The following CSMD1 variants were observed in gnomAD, a reference collection of about 807,000 sequenced individuals.
The protein encoded by CSMD1 is CUB and sushi domain-containing protein 1.
In CSMD1, 213 loss-of-function variants were observed where a neutral mutation model predicts 417.5. The ratio of observed to expected loss-of-function variants is 0.51; its 90% CI spans 0.46 to 0.57. The LOEUF (loss-of-function observed/expected upper bound fraction) is 0.57. CSMD1 is among the 20% of genes least tolerant of loss of function. The pLI, the probability that CSMD1 is intolerant of heterozygous loss-of-function variation, is 0.00. For synonymous variants in CSMD1, 2,862 were observed against 1,736.8 expected (o/e 1.65, Z -16.11); for missense variants, 6,923 against 4,529.7 (o/e 1.53, Z -15.17).
chr8:4,948,391 G>T (rs774501713), intron 1 of CSMD1, among the ~76,000 whole-genome samples: 1 of 151,734 alleles, frequency 6.6e-6, no homozygotes, highest in Middle Eastern at 3.3e-3. Context: ...TTCTGTACTA[G>T]TTACTTGCCA....
At chr8:4,423,297 C>G (rs1001705097) in intron 2 of CSMD1, among the ~76,000 whole-genome samples, 2 of 152,024 alleles carry the variant, frequency 1.3e-5, no homozygotes, top group Non-Finnish European at 2.9e-5. Context: ...GCATGATGAT[C>G]TTTATAGAAA....
intron 12 of CSMD1, among the ~76,000 whole-genome samples, chr8:3,445,514 C>T (rs112630817): frequency 0.019 from 2,943 of 152,204 alleles, 33 homozygotes; most frequent in Non-Finnish European, 0.027. Flanking sequence ...CTGCAATGTG[C>T]ACAACTCTTT....
At chr8:3,869,089 G>C (rs913193061) in intron 5 of CSMD1, among the ~76,000 whole-genome samples, 1 of 152,144 alleles carries the variant, frequency 6.6e-6, no homozygotes, top group East Asian at 1.9e-4. Context: ...TTAGGGACCT[G>C]GTGTCTAGTG....
At position 3,294,597 on chromosome 8, in the gene CSMD1, G is replaced by C. The variant is rs141324615; in HGVS notation, c.3951-10251C>G. 1.9e-3 allele frequency among the ~76,000 whole-genome samples: 295 copies of C among 152,274 alleles called. 5 individuals carry two copies. The East Asian group carries it at 0.046, about 24-fold the overall frequency. Reference sequence around the variant, plus strand: ...CTGTGCTAGCAATGAGTGAGGCTCCGTGGGGGTAGGACCCTCTGAGTCATG... The same window carrying C: ...CTGTGCTAGCAATGAGTGAGGCTCCCTGGGGGTAGGACCCTCTGAGTCATG... On this transcript the variant is annotated intron_variant, in intron 25 of 69. Coordinates refer to ENST00000635120, the MANE Select transcript of CSMD1 (RefSeq NM_033225.6).
intron 2 of CSMD1, among the ~76,000 whole-genome samples, chr8:4,529,205 A>T (rs73182922): frequency 1.8e-3 from 281 of 152,230 alleles, no homozygotes; most frequent in Non-Finnish European, 2.1e-3. Flanking sequence ...CAAAACTCTT[A>T]TCAGGACAAT....
intron 4 of CSMD1, among the ~76,000 whole-genome samples, chr8:4,013,817 T>C (rs568360162): frequency 4.6e-4 from 70 of 152,254 alleles, no homozygotes; most frequent in Non-Finnish European, 7.4e-4. Context: ...TCTGTTTAGG[T>C]GGTGTCTATG....
At chr8:3,049,210 C>G (rs1254764440) in intron 50 of CSMD1, among the ~76,000 whole-genome samples, 1 of 152,166 alleles carries the variant, frequency 6.6e-6, no homozygotes, top group African/African-American at 2.4e-5. Flanking sequence ...TTACCATTCA[C>G]TCTATCAATC....
At position 4,316,274 on chromosome 8, in the gene CSMD1, T is replaced by C. The variant is rs978653036; in HGVS notation, c.415+103679A>G. Among the ~76,000 whole-genome samples, 6 of 152,172 alleles carry C rather than the reference T, an allele frequency of 3.9e-5. 1 individual carries two copies. The highest frequency in any genetic ancestry group is 1.4e-4 in the African/African-American group (6 of 41,454). Reference sequence around the variant, plus strand: ...TTTTTCATCCTCGAATCTGAATTTGTTGTGATCTGTAAGATATCTCAAGGA... The same window carrying C: ...TTTTTCATCCTCGAATCTGAATTTGCTGTGATCTGTAAGATATCTCAAGGA... On this transcript the variant is annotated intron_variant, in intron 3 of 69. Coordinates refer to ENST00000635120, the MANE Select transcript of CSMD1 (RefSeq NM_033225.6).
intron 46 of CSMD1, among the ~76,000 whole-genome samples, chr8:3,105,808 T>G (rs963559603): frequency 6.6e-6 from 1 of 152,244 alleles, no homozygotes; most frequent in African/African-American, 2.4e-5. Context: ...ATAGCGTAGC[T>G]TAATAAATGG....
chr8:3,500,225 C>G (rs1015439303), intron 10 of CSMD1, among the ~76,000 whole-genome samples: 4 of 152,182 alleles, frequency 2.6e-5, no homozygotes, highest in African/African-American at 9.7e-5. Flanking sequence ...CTAGACACTG[C>G]ACTTGACATG....
chr8:3,165,448 T>C (rs1419556686), intron 37 of CSMD1, among the ~76,000 whole-genome samples: 1 of 152,060 alleles, frequency 6.6e-6, no homozygotes, highest in East Asian at 1.9e-4. Context: ...TTATTTATTT[T>C]TGAGACAGAG....
rs116402696 is a variant in CSMD1, at chr8:4,956,776, G to A, written c.85+37556C>T. 5.2e-3 allele frequency among the ~76,000 whole-genome samples: 787 copies of A among 152,158 alleles called. 7 individuals carry two copies. The highest frequency in any genetic ancestry group is 0.018 in the African/African-American group (756 of 41,500). On this transcript the variant is annotated intron_variant, in intron 1 of 69. Coordinates refer to ENST00000635120, the MANE Select transcript of CSMD1 (RefSeq NM_033225.6). ...CAGGGAATGGAGACTTCACAAACAG[G>A]ACAAGTTCACCTTCCACTTAGATTT...
chr8:4,611,922 G>C (rs140211699), intron 2 of CSMD1, among the ~76,000 whole-genome samples: 23 of 152,248 alleles, frequency 1.5e-4, no homozygotes, highest in Non-Finnish European at 2.4e-4. Context: ...CTACATTCCT[G>C]AATAGTTACT....
chr8:4,122,730 G>C (rs1311349659), intron 3 of CSMD1, among the ~76,000 whole-genome samples: 1 of 152,042 alleles, frequency 6.6e-6, no homozygotes, highest in African/African-American at 2.4e-5. Flanking sequence ...TTTCCTAGAA[G>C]TAACACTTTC....
chr8:3,593,013 G>A (rs1800926020), intron 8 of CSMD1, among the ~76,000 whole-genome samples: 1 of 152,224 alleles, frequency 6.6e-6, no homozygotes, highest in African/African-American at 2.4e-5. Context: ...CTCCTGGCCT[G>A]TGCTTGGATA....
At chr8:4,782,473 G>T (rs556902672) in intron 1 of CSMD1, among the ~76,000 whole-genome samples, 3 of 152,224 alleles carry the variant, frequency 2.0e-5, no homozygotes, top group South Asian at 4.1e-4. Context: ...TAGATTTAAA[G>T]AAATCTTATT....
intron 54 of CSMD1, among the ~76,000 whole-genome samples, chr8:2,993,421 C>T (rs1052109911): frequency 6.6e-6 from 1 of 152,312 alleles, no homozygotes; most frequent in East Asian, 1.9e-4. Context: ...TGTCCGGCAT[C>T]ACTTTCCTGA....
At chr8:4,212,479 G>A (rs887753801) in intron 3 of CSMD1, among the ~76,000 whole-genome samples, 1 of 151,946 alleles carries the variant, frequency 6.6e-6, no homozygotes, top group African/African-American at 2.4e-5. Context: ...CTTTCAGACT[G>A]GCAGATGGAA....
At chr8:3,328,207 G>A (rs185020039) in intron 23 of CSMD1, among the ~76,000 whole-genome samples, 1 of 152,202 alleles carries the variant, frequency 6.6e-6, no homozygotes, top group African/African-American at 2.4e-5. Flanking sequence ...CTCCTTCTGT[G>A]TCTGAGCCTC....
Sources: allele counts gnomAD v4.1 joint callset (sites outside exome capture counted in the v4.1 genomes callset), GRCh38; gene constraint gnomAD v4.1.1; transcripts MANE v1.5; gene names NCBI Gene and HGNC (gene_info 2026-07-23, HGNC 2026-07-21).